PSEN1: variants seen among roughly 807,000 people sequenced by gnomAD.
PSEN1 encodes presenilin-1.
Under a neutral mutation model 53.5 loss-of-function variants are expected in PSEN1, and 15 were observed. That is an observed-to-expected ratio of 0.28 (90% CI 0.19 to 0.43). The LOEUF is 0.43. Among genes scored for constraint, PSEN1 ranks in the 20% least tolerant of loss-of-function variants. The probability of loss-of-function intolerance (pLI) is 1.00; values close to 1 mark genes in which losing one functional copy is unlikely to be tolerated. For synonymous variants in PSEN1, 208 were observed against 209.8 expected (o/e 0.99, Z 0.08); for missense variants, 387 against 571.2 (o/e 0.68, Z 3.29).
chr14:73,144,156 T>G (rs1392037846), intron 1 of PSEN1, among the ~76,000 whole-genome samples: 1 of 146,692 alleles, frequency 6.8e-6, no homozygotes. Flanking sequence ...TTGTCCTGCC[T>G]CAGCCTCCCG....
At chr14:73,156,506 T>A (rs1897358714) in intron 3 of PSEN1, among the ~76,000 whole-genome samples, 1 of 152,098 alleles carries the variant, frequency 6.6e-6, no homozygotes, top group Non-Finnish European at 1.5e-5. Context: ...TATCTAAGAT[T>A]TGCCTCAAAA....
intron 3 of PSEN1, among the ~76,000 whole-genome samples, chr14:73,164,277 T>C (rs1897641569): frequency 6.6e-6 from 1 of 152,136 alleles, no homozygotes. Flanking sequence ...AGGTCAGAGA[T>C]GGAGATCAAC....
intron 3 of PSEN1, among the ~76,000 whole-genome samples, chr14:73,154,115 G>T (rs1279470183): frequency 1.3e-5 from 2 of 152,042 alleles, no homozygotes; most frequent in Non-Finnish European, 2.9e-5. Flanking sequence ...AACCACGTAG[G>T]CATGTTAACT....
At position 73,221,327 on chromosome 14, in the gene PSEN1, C is replaced by CAG. The variant is rs1303461755; in HGVS notation, c.*2038_*2039insAG. 2 of 152,216 alleles carry CAG rather than the reference C, an allele frequency of 1.3e-5. No individual in the cohort carries two copies. Among genetic ancestry groups the CAG allele is most frequent in the Admixed American group, 6.5e-5 (1 of 15,278 alleles). 9.4% of individuals were successfully genotyped at this position (152,216 alleles called of 1,614,324 possible). A position where few individuals can be genotyped will look rare whatever the true frequency, so the allele number is the denominator to read the frequency against. On this transcript the variant is annotated 3_prime_UTR_variant, in exon 12 of 12. Coordinates refer to ENST00000324501, the MANE Select transcript of PSEN1 (RefSeq NM_000021.4). ...AGAAAGCACAGCTACAGCAAAGCCA[C>CAG]CTGAATAGCAATTTGTGATTGGAAG...
intron 8 of PSEN1, among the ~76,000 whole-genome samples, chr14:73,202,944 T>C (rs534476110): frequency 2.6e-5 from 4 of 152,288 alleles, no homozygotes; most frequent in South Asian, 4.1e-4. Context: ...GTTCAACATA[T>C]GTGGGAAAAT....
intron 3 of PSEN1, among the ~76,000 whole-genome samples, chr14:73,155,007 A>G (rs537964773): frequency 1.2e-3 from 176 of 152,342 alleles, no homozygotes; most frequent in African/African-American, 4.0e-3. Context: ...CCTTTTGGAA[A>G]TAATTTAGCA....
intron 7 of PSEN1, among the ~76,000 whole-genome samples, chr14:73,193,882 C>G (rs185122451): frequency 1.3e-5 from 2 of 152,256 alleles, no homozygotes; most frequent in Non-Finnish European, 2.9e-5. Context: ...GTCTTGAACT[C>G]TTGGGCTCAA....
rs63750941 is a variant in PSEN1 at position 73,211,907 on chromosome 14, C to A, written c.1094C>A (p.Ser365Tyr). The change falls in exon 10 of 12, where the codon TCC (serine) becomes TAC (tyrosine). Residue 365 changes from serine to tyrosine, a missense_variant. Transcript: ENST00000324501. ...TCACGAGCTGCTGTCCAGGAACTTTCCAGCAGTATCCTCGCTGGTGAAGAC... is the reference window on the plus strand; with the variant it reads ...TCACGAGCTGCTGTCCAGGAACTTTACAGCAGTATCCTCGCTGGTGAAGAC... ...PESRAAVQEL[S>Y]SSILAGEDPE... is the part of the protein sequence containing the mutation. 1.2e-6 allele frequency: 2 copies of A among 1,613,818 alleles called. No homozygotes were observed. The highest frequency in any genetic ancestry group is 1.7e-6 in the Non-Finnish European group (2 of 1,179,966).
At chr14:73,161,420 C>T (rs1019317996) in intron 3 of PSEN1, among the ~76,000 whole-genome samples, 7 of 151,200 alleles carry the variant, frequency 4.6e-5, no homozygotes, top group Admixed American at 3.9e-4. Flanking sequence ...TTGTAAGTTT[C>T]ATTGTACAGG....
chr14:73,196,324 CA>C (rs1898937118), intron 7 of PSEN1, among the ~76,000 whole-genome samples: 1 of 151,782 alleles, frequency 6.6e-6, no homozygotes. Flanking sequence ...CTCATTCAAA[CA>C]AATTGAGGTA....
chr14:73,177,336 T>A (rs1179994543), intron 5 of PSEN1, among the ~76,000 whole-genome samples: 1 of 152,244 alleles, frequency 6.6e-6, no homozygotes, highest in African/African-American at 2.4e-5. Flanking sequence ...GAATTATCCT[T>A]CATACCATTT....
intron 8 of PSEN1, among the ~76,000 whole-genome samples, chr14:73,199,808 C>T (rs549994029): frequency 5.3e-5 from 8 of 152,130 alleles, no homozygotes; most frequent in Non-Finnish European, 1.2e-4. Context: ...TGCAGTGGTG[C>T]GATCTCGGCT....
At chr14:73,218,131 G>A (rs556059607) in intron 11 of PSEN1, among the ~76,000 whole-genome samples, 6 of 121,504 alleles carry the variant, frequency 4.9e-5, no homozygotes, top group East Asian at 4.8e-4. Context: ...TTGCTCTGTC[G>A]CCCAAACTAG....
chr14:73,170,351 A>G (rs1392581975), intron 3 of PSEN1, among the ~76,000 whole-genome samples: 2 of 152,210 alleles, frequency 1.3e-5, no homozygotes, highest in Non-Finnish European at 2.9e-5. Flanking sequence ...CCTATTCAAG[A>G]TAGAGTTGCT....
At chr14:73,186,633 C>T (rs574596967) in intron 5 of PSEN1, among the ~76,000 whole-genome samples, 1 of 152,168 alleles carries the variant, frequency 6.6e-6, no homozygotes, top group Admixed American at 6.5e-5. Flanking sequence ...AAAAATTAGC[C>T]TAGCGTGGTG....
chr14:73,172,923 G>A (rs1483582301), intron 4 of PSEN1, among the ~76,000 whole-genome samples: 1 of 152,166 alleles, frequency 6.6e-6, no homozygotes. Context: ...CATAGGACAT[G>A]TCAGCAGAAT....
chr14:73,163,692 G>C (rs1030088892), intron 3 of PSEN1, among the ~76,000 whole-genome samples: 6 of 152,194 alleles, frequency 3.9e-5, no homozygotes, highest in Non-Finnish European at 7.3e-5. Context: ...GGAGGGAACT[G>C]AGTGACAAGG....
chr14:73,180,140 A>C (rs995909505), intron 5 of PSEN1, among the ~76,000 whole-genome samples: 3 of 152,026 alleles, frequency 2.0e-5, no homozygotes, highest in African/African-American at 4.8e-5. Flanking sequence ...ACACGCCACC[A>C]TGCCTGGGTA....
intron 3 of PSEN1, among the ~76,000 whole-genome samples, chr14:73,161,992 TAAAAAA>T (rs1179787685): frequency 1.2e-4 from 8 of 65,376 alleles, no homozygotes; most frequent in African/African-American, 3.0e-4. Flanking sequence ...CCGTTTCCAC[TAAAAAA>T]AAAAAAAAAA....
Sources: allele counts gnomAD v4.1 joint callset (sites outside exome capture counted in the v4.1 genomes callset), GRCh38; gene constraint gnomAD v4.1.1; transcripts MANE v1.5; gene names NCBI Gene and HGNC (gene_info 2026-07-23, HGNC 2026-07-21).